Variants in MUC17 observed in about 807,000 individuals in gnomAD.
MUC17 encodes mucin 17, cell surface associated, also known as mucin-17.
In MUC17, 190 loss-of-function variants were observed where a neutral mutation model predicts 170.3. The observed-to-expected ratio is 1.12, with a 90% CI of 0.99 to 1.26. The LOEUF is 1.26. MUC17 is among the 50% of genes most tolerant of loss of function. MUC17 has a pLI of 0.00. For synonymous variants in MUC17, 2,325 were observed against 2,002.5 expected (o/e 1.16, Z -4.30); for missense variants, 6,415 against 5,530.0 (o/e 1.16, Z -5.08).
chr7:101,030,654 G>T (rs1016330008), intron 1 of MUC17, among the ~76,000 whole-genome samples: 7 of 152,026 alleles, frequency 4.6e-5, no homozygotes, highest in African/African-American at 1.7e-4. Context: ...TTATGAACAT[G>T]ATCTCCTGGG....
chr7:101,025,621 G>A (rs561625510), intron 1 of MUC17, among the ~76,000 whole-genome samples: 6 of 152,106 alleles, frequency 3.9e-5, no homozygotes, highest in South Asian at 2.1e-4. Flanking sequence ...GTGAAACCCC[G>A]CCTCTACTAA....
rs777559643 is a variant in MUC17 at position 101,039,696 on chromosome 7, C to G, written c.8280C>G (p.Thr2760=). 3.1e-5 allele frequency: 50 copies of G among 1,613,146 alleles called. 1 individual carries two copies. The Middle Eastern group carries it at 4.9e-4, about 16-fold the overall frequency. Residue 2760 remains threonine, a synonymous_variant, in exon 3 of 13, where the codon ACC becomes ACG. Transcript: ENST00000306151. Reference sequence around the variant, plus strand: ...CATTAACAAGTATACTTGTCAGCACCCTGCCAGTGGCCAGTTCTGAGGCTA... The same window carrying G: ...CATTAACAAGTATACTTGTCAGCACGCTGCCAGTGGCCAGTTCTGAGGCTA... The part of the protein sequence containing the change: ...STPLTSILVS[T]LPVASSEAST...
Position 101,036,778 on chromosome 7 carries a change from T to G in MUC17, c.5362T>G (p.Ser1788Ala). The change falls in exon 3 of 13, where the codon TCG becomes GCG. Residue 1788 changes from serine (S) to alanine (A), a missense_variant. Coordinates refer to ENST00000306151, the MANE Select transcript of MUC17 (RefSeq NM_001040105.2). ...TGTGACCACTTCTACTGAAGCCACT[T>G]CGTCTCCTACAACTGCTGAAGGTAC... is the stretch of plus-strand genomic sequence containing the variant. ...TPVTTSTEAT[S>A]SPTTAEGTSI... 1.2e-6 allele frequency: 2 copies of G among 1,612,486 alleles called. No homozygotes were observed. The highest frequency in any genetic ancestry group is 1.7e-6 in the Non-Finnish European group (2 of 1,179,516).
At chr7:101,050,188 C>G (rs1794912249) in intron 6 of MUC17, among the ~76,000 whole-genome samples, 1 of 152,170 alleles carries the variant, frequency 6.6e-6, no homozygotes, top group Non-Finnish European at 1.5e-5. Context: ...ATTCCTCCAT[C>G]CATCTTCATC....
In MUC17 at chr7:101,038,246, G is replaced by A; in HGVS notation, c.6830G>A (p.Gly2277Glu). Reference sequence around the variant, plus strand: ...ATACCAACTTCAACTCTTAGTGAAGGAACGACTCCATTAACAAGTATACCT... The same window carrying A: ...ATACCAACTTCAACTCTTAGTGAAGAAACGACTCCATTAACAAGTATACCT... Reference protein sequence around the residue: ...TSIPTSTLSEGTTPLTSIPVS... With the variant: ...TSIPTSTLSEETTPLTSIPVS... Residue 2277 changes from glycine (G) to glutamate (E), a missense_variant, in exon 3 of 13, where the codon GGA becomes GAA. By Grantham distance (98) the Gly-to-Glu change is moderately conservative. Transcript: ENST00000306151. The A allele has an allele frequency of 1.2e-6, 2 of 1,613,314 alleles. No homozygotes were observed. The highest frequency in any genetic ancestry group is 2.7e-5 in the African/African-American group (2 of 74,914).
intron 1 of MUC17, among the ~76,000 whole-genome samples, chr7:101,025,795 A>T (rs1431061624): frequency 2.9e-4 from 29 of 101,406 alleles, no homozygotes; most frequent in African/African-American, 1.1e-3. Flanking sequence ...TCTCTCTCTC[A>T]AAAAAAAAAA....
intron 1 of MUC17, among the ~76,000 whole-genome samples, chr7:101,027,062 C>G (rs1794193470): frequency 1.3e-5 from 2 of 152,016 alleles, no homozygotes; most frequent in South Asian, 2.1e-4. Context: ...GACACAGTGG[C>G]TCATGTCTGT....
Position 101,051,916 on chromosome 7 carries a change from T to C in MUC17, c.13057T>C (p.Cys4353Arg), listed in dbSNP as rs752062430. ...GCCTGGCTTCAGTGTCTCCAAGAAC[T>C]GTAACCTCGGCAAGTGCCAGATGTC... ...CEPGFSVSKN[C>R]NLGKCQMSLS... is the part of the protein sequence containing the mutation. Residue 4353 changes from cysteine to arginine, a missense_variant, in exon 9 of 13, where the codon TGT becomes CGT. By Grantham distance (180) the Cys-to-Arg change is radical (BLOSUM62 -3). Transcript: ENST00000306151. 2.0e-5 allele frequency: 33 copies of C among 1,614,134 alleles called. No homozygotes were observed. The highest frequency in any genetic ancestry group is 2.5e-5 in the Non-Finnish European group (30 of 1,179,970).
At chr7:101,028,636 G>A (rs1411863674) in intron 1 of MUC17, among the ~76,000 whole-genome samples, 4 of 151,942 alleles carry the variant, frequency 2.6e-5, no homozygotes, top group African/African-American at 9.7e-5. Flanking sequence ...CCAGCACTTT[G>A]GGAGGCTGAG....
intron 1 of MUC17, among the ~76,000 whole-genome samples, chr7:101,027,188 AATTAT>A (rs1289329566): frequency 7.9e-5 from 12 of 152,092 alleles, no homozygotes; most frequent in Non-Finnish European, 1.6e-4. Flanking sequence ...AATAAAAAGA[AATTAT>A]ATTATATTAT....
chr7:101,031,293 A>G (rs899575952), intron 2 of MUC17, 72 bp downstream of exon 2: 129 of 1,534,972 alleles, frequency 8.4e-5, no homozygotes, highest in Non-Finnish European at 1.0e-4. Context: ...GACCCCTGCC[A>G]GGCTGGTGAA....
Position 101,042,065 on chromosome 7 carries a change from G to T in MUC17, c.10649G>T (p.Ser3550Ile). The T allele has an allele frequency of 6.2e-7, 1 of 1,612,992 alleles. No individual in the cohort carries two copies. The highest frequency in any genetic ancestry group is 8.5e-7 in the Non-Finnish European group (1 of 1,179,718). ...GTTGACTCCAACACTTTTGTTACCAGTTCTAGTCAAGCCAGTTCATCTCCA... is the reference window on the plus strand; with the variant it reads ...GTTGACTCCAACACTTTTGTTACCATTTCTAGTCAAGCCAGTTCATCTCCA... ...TPVDSNTFVT[S>I]SSQASSSPAT... Residue 3550 changes from serine (S) to isoleucine (I), a missense_variant, in exon 3 of 13, where the codon AGT becomes ATT. By Grantham distance (142) the Ser-to-Ile change is moderately radical. Transcript: ENST00000306151.
At position 101,051,885 on chromosome 7, in the gene MUC17, C is replaced by G; in HGVS notation, c.13026C>G (p.Pro4342=). 1 of 1,614,220 alleles carries G rather than the reference C, an allele frequency of 6.2e-7. No individual in the cohort carries two copies. Among genetic ancestry groups the G allele is most frequent in the Non-Finnish European group, 8.5e-7 (1 of 1,180,030 alleles). ...ACCAGAAGCCATACTGCATCAGCCC[C>G]TGTGAGCCTGGCTTCAGTGTCTCCA... ...YRDQKPYCIS[P]CEPGFSVSKN... is the part of the protein sequence containing the mutation. The change falls in exon 9 of 13, where the codon CCC becomes CCG. Residue 4342 remains proline (P), a synonymous_variant. Transcript: ENST00000306151.
chr7:101,053,053 G>C lies in MUC17; in HGVS notation c.13171G>C (p.Val4391Leu). The C allele has an allele frequency of 6.2e-7, 1 of 1,614,158 alleles. No homozygotes were observed. The highest frequency in any genetic ancestry group is 1.1e-5 in the South Asian group (1 of 91,080). ...TCNQGTQKSL[V>L]YGLVGAGVVL... ...TAACCAGGGCACCCAGAAGAGTCTG[G>C]TGTACGGCCTCGTGGGGGCAGGGGT... Residue 4391 changes from valine (V) to leucine (L), a missense_variant, in exon 10 of 13, where the codon GTG becomes CTG. Transcript: ENST00000306151.
At position 101,041,115 on chromosome 7, in the gene MUC17, G is replaced by A. The variant is rs190193919; in HGVS notation, c.9699G>A (p.Pro3233=). The change falls in exon 3 of 13, where the codon CCG becomes CCA. Residue 3233 remains proline, a synonymous_variant. Transcript: ENST00000306151. ...PLTSVPVSNT[P]VASSEASILS... is the part of the protein sequence containing the mutation. The stretch of plus-strand genomic sequence containing the variant: ...CTAGTGTACCTGTCAGCAACACGCC[G>A]GTGGCCAGTTCTGAGGCTAGCATCC... 8.1e-5 allele frequency: 131 copies of A among 1,613,328 alleles called. No homozygotes were observed. The East Asian group carries it at 2.1e-3, about 26-fold the overall frequency.
At chr7:101,050,896 A>G (rs1050428154) in intron 7 of MUC17, among the ~76,000 whole-genome samples, 3 of 152,100 alleles carry the variant, frequency 2.0e-5, no homozygotes, top group Non-Finnish European at 4.4e-5. Flanking sequence ...GTAGGAGAAC[A>G]TGGAGATCCA....
intron 11 of MUC17, among the ~76,000 whole-genome samples, chr7:101,054,187 C>T (rs370727792): frequency 2.7e-5 from 4 of 149,536 alleles, no homozygotes; most frequent in Non-Finnish European, 5.9e-5. Context: ...ACAGCTAAAA[C>T]CTTATTTCCA....
chr7:101,054,664 A>T (rs531034026), intron 11 of MUC17, among the ~76,000 whole-genome samples: 9 of 152,144 alleles, frequency 5.9e-5, no homozygotes, highest in African/African-American at 1.9e-4. Context: ...TCAAAAAATT[A>T]AAAAAATTAG....
Position 101,034,157 on chromosome 7 carries a change from T to C in MUC17, c.2741T>C (p.Met914Thr). 6.3e-7 allele frequency: 1 copy of C among 1,584,628 alleles called. No individual in the cohort carries two copies. Among genetic ancestry groups the C allele is most frequent in the Non-Finnish European group, 8.6e-7 (1 of 1,164,142 alleles). ...SSPTTSEGTS[M>T]PTSTPGEGST... Reference sequence around the variant, plus strand: ...CCTACAACTTCTGAAGGTACCAGCATGCCAACCTCAACTCCTGGGGAAGGA... The same window carrying C: ...CCTACAACTTCTGAAGGTACCAGCACGCCAACCTCAACTCCTGGGGAAGGA... The change falls in exon 3 of 13, where the codon ATG becomes ACG. Residue 914 changes from methionine (M) to threonine (T), a missense_variant. Coordinates refer to ENST00000306151, the MANE Select transcript of MUC17 (RefSeq NM_001040105.2).
Sources: allele counts gnomAD v4.1 joint callset (sites outside exome capture counted in the v4.1 genomes callset), GRCh38; gene constraint gnomAD v4.1.1; transcripts MANE v1.5; gene names NCBI Gene and HGNC (gene_info 2026-07-23, HGNC 2026-07-21).